IL7R: variants seen among roughly 807,000 people sequenced by gnomAD.
IL7R encodes the protein interleukin 7 receptor, also known as interleukin-7 receptor subunit alpha.
IL7R carries 38 observed loss-of-function variants against 47.0 expected under a neutral mutation model. That is an observed-to-expected ratio of 0.81 (90% CI 0.62 to 1.06). The LOEUF (loss-of-function observed/expected upper bound fraction) is 1.06. Among genes scored for constraint, IL7R ranks in the 50% least tolerant of loss-of-function variants. The pLI, the probability that IL7R is intolerant of heterozygous loss-of-function variation, is 0.00. For synonymous variants in IL7R, 221 were observed against 199.8 expected, an observed-to-expected ratio of 1.11 and a Z score of -0.89; for missense variants, 633 against 534.8, an observed-to-expected ratio of 1.18 and a Z score of -1.81.
Position 35,878,452 on chromosome 5 carries a change from A to G in IL7R, c.*1966A>G, listed in dbSNP as rs1428797149. The G allele has an allele frequency of 4.3e-6, 1 of 232,858 alleles. No individual in the cohort carries two copies. Among genetic ancestry groups the G allele is most frequent in the Non-Finnish European group, 8.5e-6 (1 of 117,856 alleles). The allele number at this position is 232,858 out of a possible 1,614,324, so 14.4% of individuals were successfully genotyped here. A position where few individuals can be genotyped will look rare whatever the true frequency, so the allele number is the denominator to read the frequency against. ...AAACAAATTATTATTATATTATAAA[A>G]TGCTATAAAAGAGCCATATTGAAAG... is the stretch of plus-strand genomic sequence containing the variant. On this transcript the variant is annotated 3_prime_UTR_variant, in exon 8 of 8. Transcript: ENST00000303115.
In IL7R at chr5:35,873,474, C is replaced by G. The variant is rs760846397; in HGVS notation, c.538-6C>G. 10 of 1,613,032 alleles carry G rather than the reference C, an allele frequency of 6.2e-6. No homozygotes were observed. In the Admixed American group the frequency reaches 6.7e-5, roughly 11 times the overall value. On this transcript the variant is annotated splice_region_variant and splice_polypyrimidine_tract_variant and intron_variant, in intron 4 of 7. Coordinates refer to ENST00000303115, the MANE Select transcript of IL7R (RefSeq NM_002185.5). ...CCTAAGAATGTAACTGCACTCTACT[C>G]TCTAGCATGTGAATTTATCCAGCAC...
In IL7R at chr5:35,877,577, G is replaced by A. The variant is rs781372644; in HGVS notation, c.*1091G>A. Reference sequence around the variant, plus strand: ...TGGGTACGTTTGACGAGTGAGAGGAGGCATGACCCCTCCCATGTGTATAGA... The same window carrying A: ...TGGGTACGTTTGACGAGTGAGAGGAAGCATGACCCCTCCCATGTGTATAGA... On this transcript the variant is annotated 3_prime_UTR_variant, in exon 8 of 8. Coordinates refer to ENST00000303115, the MANE Select transcript of IL7R (RefSeq NM_002185.5). 5 of 233,002 alleles carry A rather than the reference G, an allele frequency of 2.1e-5. No homozygotes were observed. The highest frequency in any genetic ancestry group is 3.4e-5 in the Non-Finnish European group (4 of 117,998). 14.4% of individuals were successfully genotyped at this position (233,002 alleles called of 1,614,324 possible).
rs1230012813 is a variant in IL7R, at chr5:35,876,286, G to C, written c.1180G>C (p.Gly394Arg). 2.5e-6 allele frequency: 4 copies of C among 1,613,922 alleles called. No individual in the cohort carries two copies. In the African/African-American group the frequency reaches 5.3e-5, roughly 22 times the overall value. The change falls in exon 8 of 8, where the codon GGC becomes CGC. Residue 394 changes from glycine (G) to arginine (R), a missense_variant. Gly to Arg is a moderately radical substitution (Grantham distance 125, BLOSUM62 -2). Transcript: ENST00000303115. Reference sequence around the variant, plus strand: ...CAGGTCCCTAGACTGCAGGGAGAGTGGCAAGAATGGGCCTCATGTGTACCA... The same window carrying C: ...CAGGTCCCTAGACTGCAGGGAGAGTCGCAAGAATGGGCCTCATGTGTACCA... ...SSRSLDCRES[G>R]KNGPHVYQDL...
chr5:35,861,528 AG>A (rs545010335), intron 2 of IL7R, among the ~76,000 whole-genome samples: 67 of 152,306 alleles, frequency 4.4e-4, no homozygotes, highest in African/African-American at 1.6e-3. Flanking sequence ...ATAGTCGGCC[AG>A]TGAATAACGA....
chr5:35,862,234 A>G (rs1211235243), intron 2 of IL7R, among the ~76,000 whole-genome samples: 1 of 151,772 alleles, frequency 6.6e-6, no homozygotes, highest in Admixed American at 6.6e-5. Context: ...AGCCATAACA[A>G]CTCATTCAAA....
In IL7R at chr5:35,876,770, G is replaced by T; in HGVS notation, c.*284G>T. The stretch of plus-strand genomic sequence containing the variant: ...AAAAAAAAGAGGAAAGAATGAAAGA[G>T]TAAAGGAAATGATTGAGGAGTGAGG... On this transcript the variant is annotated 3_prime_UTR_variant, in exon 8 of 8. Coordinates refer to ENST00000303115, the MANE Select transcript of IL7R (RefSeq NM_002185.5). 1 of 439,748 alleles carries T rather than the reference G, an allele frequency of 2.3e-6. No individual in the cohort carries two copies. The highest frequency in any genetic ancestry group is 4.1e-6 in the Non-Finnish European group (1 of 243,028). The allele number at this position is 439,748 out of a possible 1,614,324, so 27.2% of individuals were successfully genotyped here.
At chr5:35,870,910 C>G (rs988521646) in intron 3 of IL7R, 146 bp from the exon 4 acceptor site, 4 of 728,688 alleles carry the variant, frequency 5.5e-6, no homozygotes, top group Non-Finnish European at 9.6e-6. Context: ...GATTTAAACC[C>G]AAGAAGAAGA....
intron 4 of IL7R, among the ~76,000 whole-genome samples, chr5:35,872,920 AATAG>A (rs1289429767): frequency 6.6e-6 from 1 of 152,208 alleles, no homozygotes; most frequent in Non-Finnish European, 1.5e-5. Context: ...TAAAGTATGG[AATAG>A]ATAAATTCAA....
Position 35,867,327 on chromosome 5 carries a change from G to C in IL7R, c.243G>C (p.Lys81Asn). 1 of 1,613,698 alleles carries C rather than the reference G, an allele frequency of 6.2e-7. No individual in the cohort carries two copies. The highest frequency in any genetic ancestry group is 1.1e-5 in the South Asian group (1 of 91,060). The change falls in exon 3 of 8, where the codon AAG becomes AAC. Residue 81 changes from lysine to asparagine, a missense_variant. Transcript: ENST00000303115. ...FEICGALVEV[K>N]CLNFRKLQEI... ...ACAGTGGGGCCCTCGTGGAGGTAAA[G>C]TGCCTGAATTTCAGGAAACTACAAG...
intron 2 of IL7R, among the ~76,000 whole-genome samples, chr5:35,865,931 A>G (rs1003795199): frequency 1.3e-5 from 2 of 152,170 alleles, no homozygotes; most frequent in African/African-American, 4.8e-5. Flanking sequence ...TGCATTGGCT[A>G]AAACCTCCTG....
Position 35,879,272 on chromosome 5 carries a change from T to C in IL7R, c.*2786T>C. 4.3e-6 allele frequency: 1 copy of C among 232,868 alleles called. No individual in the cohort carries two copies. The highest frequency in any genetic ancestry group is 5.6e-5 in the Admixed American group (1 of 17,788). The allele number at this position is 232,868 out of a possible 1,614,324, so 14.4% of individuals were successfully genotyped here. The stretch of plus-strand genomic sequence containing the variant: ...TCCTTCAATGTGGTTTCCATGGGAA[T>C]TTGCTTCAGAAAAGCCAAGTATGGG... On this transcript the variant is annotated 3_prime_UTR_variant, in exon 8 of 8. Transcript: ENST00000303115.
In IL7R at chr5:35,871,221, G is replaced by T; in HGVS notation, c.537+8G>T. 2 of 1,602,426 alleles carry T rather than the reference G, an allele frequency of 1.2e-6. No individual in the cohort carries two copies. Among genetic ancestry groups the T allele is most frequent in the Non-Finnish European group, 1.7e-6 (2 of 1,169,856 alleles). On this transcript the variant is annotated splice_region_variant and intron_variant, in intron 4 of 7. Coordinates refer to ENST00000303115, the MANE Select transcript of IL7R (RefSeq NM_002185.5). Reference sequence around the variant, plus strand: ...GATGAAAACAAATGGACGGTATGTAGTTCAACTACATTAATAAAATAAAAA... The same window carrying T: ...GATGAAAACAAATGGACGGTATGTATTTCAACTACATTAATAAAATAAAAA...
Position 35,876,823 on chromosome 5 carries a change from G to GAAAT in IL7R, c.*340_*341insTAAA. ...GGCAGGAAGAGAGCATGAGAGGAAAGAAAGAAAGGAAAATAAAAAATGATA... is the reference window on the plus strand; with the variant it reads ...GGCAGGAAGAGAGCATGAGAGGAAAGAAATAAAGAAAGGAAAATAAAAAATGATA... On this transcript the variant is annotated 3_prime_UTR_variant, in exon 8 of 8. Coordinates refer to ENST00000303115, the MANE Select transcript of IL7R (RefSeq NM_002185.5). 2.7e-6 allele frequency: 1 copy of GAAAT among 366,314 alleles called. No individual in the cohort carries two copies. The highest frequency in any genetic ancestry group is 5.0e-6 in the Non-Finnish European group (1 of 200,372). The allele number at this position is 366,314 out of a possible 1,614,324, so 22.7% of individuals were successfully genotyped here.
In IL7R at chr5:35,878,448, T is replaced by C. The variant is rs971259670; in HGVS notation, c.*1962T>C. 3 of 232,754 alleles carry C rather than the reference T, an allele frequency of 1.3e-5. No individual in the cohort carries two copies. Among genetic ancestry groups the C allele is most frequent in the Admixed American group, 5.6e-5 (1 of 17,780 alleles). The allele number at this position is 232,754 out of a possible 1,614,324, so 14.4% of individuals were successfully genotyped here. On this transcript the variant is annotated 3_prime_UTR_variant, in exon 8 of 8. Transcript: ENST00000303115. ...TGGTAAACAAATTATTATTATATTATAAAATGCTATAAAAGAGCCATATTG... is the reference window on the plus strand; with the variant it reads ...TGGTAAACAAATTATTATTATATTACAAAATGCTATAAAAGAGCCATATTG...
At chr5:35,861,613 C>T (rs1397913247) in intron 2 of IL7R, among the ~76,000 whole-genome samples, 1 of 152,158 alleles carries the variant, frequency 6.6e-6, no homozygotes, top group Non-Finnish European at 1.5e-5. Context: ...CACAATTTGA[C>T]TTCAGATGAT....
At chr5:35,867,588 T>G in intron 3 of IL7R, 125 bp downstream of exon 3, 1 of 749,398 alleles carries the variant, frequency 1.3e-6, no homozygotes, top group Non-Finnish European at 2.3e-6. Context: ...AATAGCTAAT[T>G]CCCTACTGTA....
At chr5:35,873,743 A>G in intron 5 of IL7R, 95 bp downstream of exon 5, 1 of 1,097,880 alleles carries the variant, frequency 9.1e-7, no homozygotes, top group Non-Finnish European at 1.4e-6. Context: ...ACTAACCTGC[A>G]AAATAGGACA....
At chr5:35,860,710 G>T in intron 1 of IL7R, 142 bp from the exon 2 acceptor site, 1 of 870,982 alleles carries the variant, frequency 1.1e-6, no homozygotes, top group Non-Finnish European at 1.8e-6. Flanking sequence ...CTTTGCCCTT[G>T]GGCTTTTCTT....
intron 3 of IL7R, 139 bp downstream of exon 3, chr5:35,867,602 T>A: frequency 1.4e-6 from 1 of 722,090 alleles, no homozygotes; most frequent in Non-Finnish European, 2.4e-6. Context: ...TACTGTAAAT[T>A]TTTATAATAA....
Sources: allele counts gnomAD v4.1 joint callset (sites outside exome capture counted in the v4.1 genomes callset), GRCh38; gene constraint gnomAD v4.1.1; transcripts MANE v1.5; gene names NCBI Gene and HGNC (gene_info 2026-07-23, HGNC 2026-07-21).